The following ZSCAN23 variants were observed in gnomAD, a reference collection of about 807,000 sequenced individuals.
ZSCAN23 encodes zinc finger and SCAN domain-containing protein 23.
Under a neutral mutation model 19.3 loss-of-function variants are expected in ZSCAN23, and 19 were observed. The ratio of observed to expected loss-of-function variants is 0.99; its 90% CI spans 0.69 to 1.45. The LOEUF (loss-of-function observed/expected upper bound fraction) is 1.45. Ranked by LOEUF, ZSCAN23 falls within the 40% of genes most tolerant of loss-of-function variation. The pLI, the probability that ZSCAN23 is intolerant of heterozygous loss-of-function variation, is 0.00. For synonymous variants in ZSCAN23, 140 were observed against 166.2 expected, an observed-to-expected ratio of 0.84 and a Z score of 1.21; for missense variants, 372 against 462.5, an observed-to-expected ratio of 0.80 and a Z score of 1.79.
intron 1 of ZSCAN23, among the ~76,000 whole-genome samples, chr6:28,442,537 T>A (rs1762021476): frequency 6.6e-6 from 1 of 152,194 alleles, no homozygotes; most frequent in South Asian, 2.1e-4. Context: ...AAGATATACG[T>A]CTTCAGATAT....
chr6:28,432,468 T>C (rs1312002103), downstream of ZSCAN23, among the ~76,000 whole-genome samples: 1 of 152,150 alleles, frequency 6.6e-6, no homozygotes, highest in Non-Finnish European at 1.5e-5. Context: ...GGTGTAAGAA[T>C]ATGTGATAGA....
chr6:28,425,516 A>G, the ZSCAN23 span, among the ~76,000 whole-genome samples: 1 of 152,048 alleles, frequency 6.6e-6, no homozygotes, highest in Non-Finnish European at 1.5e-5. Context: ...TTTTGTAGAG[A>G]CAGGGTTTTT....
the ZSCAN23 span, among the ~76,000 whole-genome samples, chr6:28,425,049 T>A: frequency 6.6e-6 from 1 of 152,230 alleles, no homozygotes; most frequent in Non-Finnish European, 1.5e-5. Context: ...TTGAAATTAC[T>A]CCTTGATCTG....
At chr6:28,430,218 C>T (rs1007364019), downstream of ZSCAN23, among the ~76,000 whole-genome samples, 1 of 152,134 alleles carries the variant, frequency 6.6e-6, no homozygotes, top group Admixed American at 6.5e-5. Context: ...CCTCTATCCT[C>T]AGGGAGATTC....
At chr6:28,442,277 T>C (rs1053205781) in intron 1 of ZSCAN23, among the ~76,000 whole-genome samples, 2 of 152,198 alleles carry the variant, frequency 1.3e-5, no homozygotes, top group African/African-American at 4.8e-5. Flanking sequence ...TGCCAACTTG[T>C]TGAGAATATT....
downstream of ZSCAN23, among the ~76,000 whole-genome samples, chr6:28,427,664 G>A (rs188361785): frequency 7.9e-5 from 12 of 152,270 alleles, no homozygotes; most frequent in East Asian, 2.3e-3. Context: ...TGTACACGTG[G>A]TCTGCTGTTT....
At chr6:28,425,620 A>G in the ZSCAN23 span, among the ~76,000 whole-genome samples, 1 of 152,286 alleles carries the variant, frequency 6.6e-6, no homozygotes, top group African/African-American at 2.4e-5. Context: ...CCCAGCCAGC[A>G]TGATCCTTAA....
At chr6:28,436,664 T>TA (rs1467380654) in intron 1 of ZSCAN23, among the ~76,000 whole-genome samples, 3 of 151,492 alleles carry the variant, frequency 2.0e-5, no homozygotes, top group East Asian at 1.9e-4. Flanking sequence ...TGTATGAAGG[T>TA]AAAAAAACAC....
chr6:28,432,159 T>G (rs900718525), downstream of ZSCAN23: 1 of 152,180 alleles, frequency 6.6e-6, no homozygotes, highest in East Asian at 1.9e-4. Flanking sequence ...GCTTAAGCAC[T>G]TTGGACTTCA....
chr6:28,435,908 A>G lies in ZSCAN23; in HGVS notation c.359T>C (p.Val120Ala), dbSNP rs1234178780. The change falls in exon 2 of 4, where the codon GTG (valine) becomes GCG (alanine). Residue 120 changes from valine to alanine, a missense_variant. Val to Ala is a moderately conservative substitution (Grantham distance 64). Transcript: ENST00000289788. ...QHRPVSGEEA[V>A]TVLEDLEREL... ...TCTCTCCAAATCCTCCAGCACAGTC[A>G]CTGCCTCCTCTCCACTCACAGGACG... is the stretch of plus-strand genomic sequence containing the variant. 5.0e-6 allele frequency: 8 copies of G among 1,613,390 alleles called. No individual in the cohort carries two copies. The highest frequency in any genetic ancestry group is 6.8e-6 in the Non-Finnish European group (8 of 1,179,680).
chr6:28,422,639 T>C, the ZSCAN23 span, among the ~76,000 whole-genome samples: 1 of 152,120 alleles, frequency 6.6e-6, no homozygotes, highest in African/African-American at 2.4e-5. The surrounding 1 kb of genome is among the most constrained non-coding windows in gnomAD (Gnocchi z 4.0). Context: ...GAGGTCTGGG[T>C]TAAGGAAGTT....
In ZSCAN23 at chr6:28,436,343, T is replaced by C; in HGVS notation, c.-77A>G. On this transcript the variant is annotated splice_region_variant and 5_prime_UTR_variant, in exon 2 of 4. Coordinates refer to ENST00000289788, the MANE Select transcript of ZSCAN23 (RefSeq NM_001012455.2). ...ATCTTTTCTTCTGGAAACCCCGAGA[T>C]CTAGACAATAATTTACGAAGAAAAA... The C allele has an allele frequency of 7.3e-7, 1 of 1,367,942 alleles. No individual in the cohort carries two copies. The highest frequency in any genetic ancestry group is 1.6e-5 in the South Asian group (1 of 63,388). The allele number at this position is 1,367,942 out of a possible 1,614,324, so 84.7% of individuals were successfully genotyped here. A position where few individuals can be genotyped will look rare whatever the true frequency, so the allele number is the denominator to read the frequency against.
chr6:28,423,854 A>C, the ZSCAN23 span, among the ~76,000 whole-genome samples: 1 of 152,206 alleles, frequency 6.6e-6, no homozygotes, highest in African/African-American at 2.4e-5. Context: ...TATCAAGGCA[A>C]AAAGTGTGAA....
At position 28,434,647 on chromosome 6, in the gene ZSCAN23, C is replaced by A; in HGVS notation, c.988G>T (p.Glu330Ter). 1 of 1,564,932 alleles carries A rather than the reference C, an allele frequency of 6.4e-7. No individual in the cohort carries two copies. The highest frequency in any genetic ancestry group is 8.7e-7 in the Non-Finnish European group (1 of 1,154,694). Residue 330 changes from glutamate to a stop codon, truncating the protein, a stop_gained, in exon 4 of 4, where the codon GAG becomes TAG. Transcript: ENST00000289788. LOFTEE classifies it low-confidence loss of function (END_TRUNC). ...CACTGATTGCACTGGTAAGGCTTCT[C>A]CCCAGTGTGAATTCTGAGGTGATGG... The part of the protein sequence containing the change: ...LFHHLRIHTG[E>*]KPYQCNQCNK...
downstream of ZSCAN23, among the ~76,000 whole-genome samples, chr6:28,430,495 C>T (rs949615287): frequency 6.6e-6 from 1 of 152,152 alleles, no homozygotes; most frequent in African/African-American, 2.4e-5. Flanking sequence ...CTGAGGAAAA[C>T]GGGGAAGATG....
At chr6:28,432,050 G>A (rs1247315425), downstream of ZSCAN23, 1 of 152,052 alleles carries the variant, frequency 6.6e-6, no homozygotes, top group East Asian at 1.9e-4. Context: ...AAGTGTAAGT[G>A]TCTATGAAAC....
chr6:28,426,603 C>T, the ZSCAN23 span, among the ~76,000 whole-genome samples: 1 of 152,280 alleles, frequency 6.6e-6, no homozygotes, highest in Admixed American at 6.5e-5. Context: ...TACTCATTTA[C>T]CAAAATGTGA....
At chr6:28,425,884 A>G in the ZSCAN23 span, among the ~76,000 whole-genome samples, 1 of 152,232 alleles carries the variant, frequency 6.6e-6, no homozygotes, top group African/African-American at 2.4e-5. Context: ...CAGTGTCTAC[A>G]CTAACATTTG....
intron 1 of ZSCAN23, among the ~76,000 whole-genome samples, chr6:28,438,999 T>C (rs573254850): frequency 2.0e-4 from 31 of 152,324 alleles, no homozygotes; most frequent in Admixed American, 2.0e-3. Flanking sequence ...CATAAAGTTC[T>C]GACATCTTTG....
Sources: gnomAD v4.1 joint callset for allele counts (sites outside exome capture counted in the v4.1 genomes callset) on GRCh38, gnomAD v4.1.1 for gene constraint, Gnocchi (gnomAD v3.1) non-coding constraint, MANE v1.5 for transcripts, NCBI Gene and HGNC (gene_info 2026-07-23, HGNC 2026-07-21) for gene names.